STON2: variants seen among roughly 807,000 people sequenced by gnomAD.
STON2 encodes the protein stonin 2, also known as stonin-2.
STON2 carries 29 observed loss-of-function variants against 65.7 expected under a neutral mutation model. The ratio of observed to expected loss-of-function variants is 0.44; its 90% CI spans 0.33 to 0.60. The LOEUF (loss-of-function observed/expected upper bound fraction) is 0.60. Among genes scored for constraint, STON2 ranks in the 20% least tolerant of loss-of-function variants. The pLI, the probability that STON2 is intolerant of heterozygous loss-of-function variation, is 0.03. For missense variants in STON2, 1,054 were observed against 1,118.1 expected, an observed-to-expected ratio of 0.94 and a Z score of 0.82; for synonymous variants, 404 against 414.2, an observed-to-expected ratio of 0.98 and a Z score of 0.30.
intron 4 of STON2, among the ~76,000 whole-genome samples, chr14:81,365,194 T>C (rs1898666441): frequency 6.6e-6 from 1 of 152,214 alleles, no homozygotes; most frequent in Non-Finnish European, 1.5e-5. Context: ...CACTGGACTC[T>C]CTTCCCTGTA....
intron 3 of STON2, among the ~76,000 whole-genome samples, chr14:81,384,422 G>A (rs1039258388): frequency 6.6e-6 from 1 of 151,868 alleles, no homozygotes; most frequent in Admixed American, 6.6e-5. Flanking sequence ...TTTTAGTAGA[G>A]ACAGGGTTTC....
Position 81,263,267 on chromosome 14 carries a change from G to A in STON2, c.*5147C>T, listed in dbSNP as rs766548543. On this transcript the variant is annotated 3_prime_UTR_variant, in exon 8 of 8. Transcript: ENST00000614646. The stretch of plus-strand genomic sequence containing the variant: ...ACATTATGCTATTTTGGCCAGGCGC[G>A]GCGGCTCATGCCTGTTATCCTAGCA... 2.3e-5 allele frequency: 14 copies of A among 620,444 alleles called. No homozygotes were observed. The highest frequency in any genetic ancestry group is 1.4e-4 in the South Asian group (2 of 14,166). 38.4% of individuals were successfully genotyped at this position (620,444 alleles called of 1,614,324 possible).
Position 81,278,478 on chromosome 14 carries a change from C to T in STON2, c.1004G>A (p.Arg335His), listed in dbSNP as rs150941589. 3.5e-5 allele frequency: 57 copies of T among 1,614,090 alleles called. No individual in the cohort carries two copies. Among genetic ancestry groups the T allele is most frequent in the African/African-American group, 3.3e-4 (25 of 74,916 alleles). ...GAAGTTCATCAAAGTGCTCTTGGGA[C>T]GGTCCCTCTTCTTAAATGATCCCAT... Reference protein sequence around the residue: ...NSMGSFKKRDRPKSTLMNFSK... With the variant: ...NSMGSFKKRDHPKSTLMNFSK... The change falls in exon 6 of 8, where the codon CGT (arginine) becomes CAT (histidine). Residue 335 changes from arginine to histidine, a missense_variant. Physicochemically the swap from Arg to His is conservative, Grantham distance 29. Transcript: ENST00000614646.
chr14:81,398,239 A>G, intron 2 of STON2, 56 bp downstream of exon 2: 1 of 1,295,122 alleles, frequency 7.7e-7, no homozygotes, highest in Non-Finnish European at 1.1e-6. Flanking sequence ...AGCCATAACA[A>G]ATAGACATGG....
chr14:81,357,269 C>T (rs931810711), intron 4 of STON2, among the ~76,000 whole-genome samples: 10 of 151,832 alleles, frequency 6.6e-5, no homozygotes, highest in African/African-American at 1.9e-4. Flanking sequence ...CAAAAGAAGA[C>T]ATTTATGCAG....
intron 5 of STON2, among the ~76,000 whole-genome samples, chr14:81,296,558 C>T (rs1001343406): frequency 1.4e-4 from 21 of 152,162 alleles, no homozygotes; most frequent in African/African-American, 5.1e-4. Flanking sequence ...ACACAGCAGA[C>T]TGGCATATGT....
At chr14:81,293,176 CT>C (rs537387012) in intron 5 of STON2, among the ~76,000 whole-genome samples, 4,742 of 138,852 alleles carry the variant, frequency 0.034, 220 homozygotes, top group African/African-American at 0.12. Flanking sequence ...TGACTTGTGT[CT>C]TTTTTTTTTT....
chr14:81,355,280 G>C (rs1305456431), intron 4 of STON2, among the ~76,000 whole-genome samples: 3 of 152,074 alleles, frequency 2.0e-5, no homozygotes, highest in African/African-American at 7.2e-5. Context: ...ACAACATCCA[G>C]GTACAGGAAG....
chr14:81,297,572 A>C (rs916733997), intron 5 of STON2, among the ~76,000 whole-genome samples: 2 of 152,200 alleles, frequency 1.3e-5, no homozygotes, highest in African/African-American at 4.8e-5. Context: ...AGGACCAAAT[A>C]AGACATGTGA....
chr14:81,396,051 A>C lies in STON2; in HGVS notation c.216T>G (p.Ser72=), dbSNP rs146381820. 2 of 1,614,168 alleles carry C rather than the reference A, an allele frequency of 1.2e-6. No individual in the cohort carries two copies. Among genetic ancestry groups the C allele is most frequent in the Non-Finnish European group, 1.7e-6 (2 of 1,180,016 alleles). ...DHSHSEQDDS[S]EKMGLISEAA... Reference sequence around the variant, plus strand: ...CTTCAGAGATGAGGCCCATCTTTTCAGAGGAGTCATCCTGCTCCGAGTGGG... The same window carrying C: ...CTTCAGAGATGAGGCCCATCTTTTCCGAGGAGTCATCCTGCTCCGAGTGGG... The change falls in exon 3 of 8, where the codon TCT becomes TCG. Residue 72 remains serine, a synonymous_variant. Transcript: ENST00000614646.
intron 5 of STON2, among the ~76,000 whole-genome samples, chr14:81,322,609 G>A (rs985651378): frequency 3.3e-5 from 5 of 152,166 alleles, no homozygotes; most frequent in African/African-American, 7.2e-5. Context: ...CAATGATGAC[G>A]TAGTGCTGAT....
intron 4 of STON2, among the ~76,000 whole-genome samples, chr14:81,344,070 T>G (rs1460707570): frequency 2.0e-5 from 3 of 152,146 alleles, no homozygotes; most frequent in Non-Finnish European, 4.4e-5. Context: ...GACAGAAATA[T>G]TTGAAAGACT....
At chr14:81,356,902 TTTCTTTA>T (rs1898261431) in intron 4 of STON2, among the ~76,000 whole-genome samples, 1 of 152,192 alleles carries the variant, frequency 6.6e-6, no homozygotes, top group Non-Finnish European at 1.5e-5. Flanking sequence ...TCTCTCTTTT[TTTCTTTA>T]TTAGTCTTGC....
At chr14:81,347,510 T>A (rs1897852309) in intron 4 of STON2, among the ~76,000 whole-genome samples, 1 of 150,542 alleles carries the variant, frequency 6.6e-6, no homozygotes, top group Non-Finnish European at 1.5e-5. Context: ...AGAATTAACA[T>A]CAATTCTTCT....
At chr14:81,332,987 T>C in intron 4 of STON2, 1 of 516,304 alleles carries the variant, frequency 1.9e-6, no homozygotes, top group Non-Finnish European at 3.5e-6. Context: ...ACACCAACTT[T>C]GGCCTTTGCA....
At chr14:81,431,995 G>A (rs537891988) in intron 1 of STON2, among the ~76,000 whole-genome samples, 3 of 152,230 alleles carry the variant, frequency 2.0e-5, no homozygotes, top group South Asian at 2.1e-4. Context: ...TTCATACCCC[G>A]ATGGATAATT....
At chr14:81,400,894 G>A (rs776322178), upstream of STON2, among the ~76,000 whole-genome samples, 27 of 152,058 alleles carry the variant, frequency 1.8e-4, no homozygotes, top group Admixed American at 3.9e-4. Flanking sequence ...CCATAATTCC[G>A]AGGATTAAAC....
Position 81,262,551 on chromosome 14 carries a change from C to G in STON2, c.*5863G>C, listed in dbSNP as rs2140076532. On this transcript the variant is annotated 3_prime_UTR_variant, in exon 8 of 8. Transcript: ENST00000614646. The stretch of plus-strand genomic sequence containing the variant: ...TGATTTGTCATCTCTCTAGATTTTA[C>G]TTTTTCATATTGAAATTCTTTTTTT... The G allele has an allele frequency of 1.0e-6, 1 of 985,384 alleles. No homozygotes were observed. The highest frequency in any genetic ancestry group is 1.1e-4 in the East Asian group (1 of 8,816). 61.0% of individuals were successfully genotyped at this position (985,384 alleles called of 1,614,324 possible).
At chr14:81,346,768 G>C (rs951544890) in intron 4 of STON2, among the ~76,000 whole-genome samples, 7 of 152,078 alleles carry the variant, frequency 4.6e-5, no homozygotes, top group African/African-American at 1.7e-4. Flanking sequence ...TAAATAATTA[G>C]AGAAACATTG....
Sources: allele counts gnomAD v4.1 joint callset (sites outside exome capture counted in the v4.1 genomes callset), GRCh38; gene constraint gnomAD v4.1.1; transcripts MANE v1.5; gene names NCBI Gene and HGNC (gene_info 2026-07-23, HGNC 2026-07-21).